The following SPEN variants were observed in gnomAD, a reference collection of about 807,000 sequenced individuals.
SPEN encodes spen family transcriptional repressor, also known as msx2-interacting protein.
Under a neutral mutation model 269.9 loss-of-function variants are expected in SPEN, and 18 were observed. That is an observed-to-expected ratio of 0.07 (90% CI 0.05 to 0.10). The LOEUF is 0.10. Among genes scored for constraint, SPEN ranks in the 10% least tolerant of loss-of-function variants. The probability of loss-of-function intolerance (pLI) is 1.00; values close to 1 mark genes in which losing one functional copy is unlikely to be tolerated. For synonymous variants in SPEN, 1,726 were observed against 1,765.7 expected (o/e 0.98, Z 0.56); for missense variants, 3,822 against 4,631.2 (o/e 0.83, Z 5.07).
At position 15,938,020 on chromosome 1, in the gene SPEN, G is replaced by A. The variant is rs2071294350; in HGVS notation, c.10704+14G>A. The A allele has an allele frequency of 6.3e-7, 1 of 1,583,012 alleles. No homozygotes were observed. Reference sequence around the variant, plus strand: ...CGAAGGATGACGGTAAGACTCTCAGGCCCAGGTGAGCAACTGCCCCACCTA... The same window carrying A: ...CGAAGGATGACGGTAAGACTCTCAGACCCAGGTGAGCAACTGCCCCACCTA... On this transcript the variant is annotated intron_variant, in intron 13 of 14. Coordinates refer to ENST00000375759, the MANE Select transcript of SPEN (RefSeq NM_015001.3).
chr1:15,914,568 A>G (rs2071039371), intron 5 of SPEN, among the ~76,000 whole-genome samples: 1 of 152,206 alleles, frequency 6.6e-6, no homozygotes, highest in Non-Finnish European at 1.5e-5. Flanking sequence ...CACACCTGTA[A>G]TCTCAGCACT....
intron 2 of SPEN, among the ~76,000 whole-genome samples, chr1:15,875,599 CT>C (rs1271113334): frequency 6.6e-6 from 1 of 151,956 alleles, no homozygotes; most frequent in Non-Finnish European, 1.5e-5. Context: ...TTGGGTACCG[CT>C]GTGCAGTCTA....
chr1:15,932,051 G>T lies in SPEN; in HGVS notation c.5811G>T (p.Glu1937Asp). Residue 1937 changes from glutamate to aspartate, a missense_variant, in exon 11 of 15, where the codon GAG (glutamate) becomes GAT (aspartate). By Grantham distance (45) the Glu-to-Asp change is conservative. Coordinates refer to ENST00000375759, the MANE Select transcript of SPEN (RefSeq NM_015001.3). The surrounding 1 kb of genome is among the most constrained non-coding windows in gnomAD (Gnocchi z 4.2). ...TGACCAGAAAGAGATTGGAGCGAGA[G>T]CTTCAGGAGGCTGCAGCGGTTCCCA... ...PRVTRKRLER[E>D]LQEAAAVPTT... is the part of the protein sequence containing the mutation. 1 of 1,614,198 alleles carries T rather than the reference G, an allele frequency of 6.2e-7. No individual in the cohort carries two copies.
In SPEN at chr1:15,847,716, C is replaced by G. The variant is rs959314993; in HGVS notation, c.-352C>G. 43 of 179,642 alleles carry G rather than the reference C, an allele frequency of 2.4e-4. No individual in the cohort carries two copies. The highest frequency in any genetic ancestry group is 3.4e-4 in the Non-Finnish European group (29 of 84,812). The allele number at this position is 179,642 out of a possible 1,614,324, so 11.1% of individuals were successfully genotyped here. A position where few individuals can be genotyped will look rare whatever the true frequency, so the allele number is the denominator to read the frequency against. ...TCGGGCCGCGCGCGCCAGTGGGAAG[C>G]GTCCGGCTGCCACAGCGCCAGCTCC... On this transcript the variant is annotated 5_prime_UTR_variant, in exon 1 of 15. Transcript: ENST00000375759.
chr1:15,884,884 A>G (rs898691448), intron 3 of SPEN, among the ~76,000 whole-genome samples: 2 of 151,850 alleles, frequency 1.3e-5, no homozygotes, highest in African/African-American at 2.4e-5. Flanking sequence ...AGGTTGTGCC[A>G]CCAGCTAATT....
chr1:15,907,430 C>T (rs2070970543), intron 3 of SPEN, among the ~76,000 whole-genome samples: 3 of 152,004 alleles, frequency 2.0e-5, no homozygotes, highest in East Asian at 1.9e-4. Context: ...GAGCCACGAT[C>T]GCACCACTGC....
intron 3 of SPEN, among the ~76,000 whole-genome samples, chr1:15,897,625 G>C (rs563110972): frequency 6.6e-6 from 1 of 151,682 alleles, no homozygotes; most frequent in African/African-American, 2.4e-5. Flanking sequence ...GCCTCTCAAA[G>C]TGCTGGGATT....
intron 1 of SPEN, among the ~76,000 whole-genome samples, chr1:15,866,302 A>G (rs1343260339): frequency 1.3e-5 from 2 of 152,056 alleles, no homozygotes; most frequent in Non-Finnish European, 2.9e-5. Flanking sequence ...GTTACTAAAT[A>G]TTTGTTACTG....
chr1:15,934,547 G>T lies in SPEN; in HGVS notation c.8307G>T (p.Pro2769=). Residue 2769 remains proline (P), a synonymous_variant, in exon 11 of 15, where the codon CCG becomes CCT. Transcript: ENST00000375759. This position sits in a 1 kb window ranked among gnomAD's most constrained non-coding sequence, Gnocchi z 9.2. The part of the protein sequence containing the change: ...TVTMAGAVIA[P]STKCKQRASA... Reference sequence around the variant, plus strand: ...CAATGGCAGGGGCAGTGATTGCGCCGTCAACAAAGTGCAAACAGAGAGCGA... The same window carrying T: ...CAATGGCAGGGGCAGTGATTGCGCCTTCAACAAAGTGCAAACAGAGAGCGA... The T allele has an allele frequency of 1.2e-6, 2 of 1,614,048 alleles. No individual in the cohort carries two copies. The highest frequency in any genetic ancestry group is 1.3e-5 in the African/African-American group (1 of 75,052).
At position 15,848,684 on chromosome 1, in the gene SPEN, G is replaced by A. The variant is rs2070302339; in HGVS notation, c.83+534G>A. On this transcript the variant is annotated intron_variant, in intron 1 of 14. Coordinates refer to ENST00000375759, the MANE Select transcript of SPEN (RefSeq NM_015001.3). The surrounding 1 kb of genome is among the most constrained non-coding windows in gnomAD (Gnocchi z 5.1). ...CAGTAGGTACTGTGGTCGCGTCGCG[G>A]ACCCGGAGAGACCATCTAGGACCTC... Among the ~76,000 whole-genome samples, 2 of 152,208 alleles carry A rather than the reference G, an allele frequency of 1.3e-5. No individual in the cohort carries two copies. The highest frequency in any genetic ancestry group is 1.3e-4 in the Admixed American group (2 of 15,284).
Position 15,909,411 on chromosome 1 carries a change from A to T in SPEN, c.972A>T (p.Ser324=), listed in dbSNP as rs2070991344. ...AVPAPTSQLL[S]SLEKDEPRKS... The stretch of plus-strand genomic sequence containing the variant: ...CTGCACCCACTTCCCAGTTGCTTTC[A>T]TCTCTGGAAAAAGATGAGCCCCGTA... Residue 324 remains serine, a synonymous_variant, in exon 4 of 15, where the codon TCA becomes TCT. Transcript: ENST00000375759. The T allele has an allele frequency of 6.2e-7, 1 of 1,614,158 alleles. No homozygotes were observed.
chr1:15,918,685 C>T (rs1161426767), intron 6 of SPEN, among the ~76,000 whole-genome samples: 1 of 152,170 alleles, frequency 6.6e-6, no homozygotes, highest in Admixed American at 6.5e-5. Context: ...AATTGCAATG[C>T]TGTTGCTCCT....
Position 15,887,934 on chromosome 1 carries a change from A to C in SPEN, c.881+11256A>C, listed in dbSNP as rs1312788184. Reference sequence around the variant, plus strand: ...TCCCAGCTGCTCGGGAGGCGGAGGCAGGAGAATCGCTTGAGCCCTGGAGGC... The same window carrying C: ...TCCCAGCTGCTCGGGAGGCGGAGGCCGGAGAATCGCTTGAGCCCTGGAGGC... On this transcript the variant is annotated intron_variant, in intron 3 of 14. Transcript: ENST00000375759. 4.0e-5 allele frequency among the ~76,000 whole-genome samples: 6 copies of C among 151,450 alleles called. No homozygotes were observed. In the East Asian group the frequency reaches 1.2e-3, roughly 30 times the overall value.
At chr1:15,884,777 G>C (rs368608085) in intron 3 of SPEN, among the ~76,000 whole-genome samples, 1 of 151,000 alleles carries the variant, frequency 6.6e-6, no homozygotes, top group African/African-American at 2.4e-5. Context: ...CTTCGTCACC[G>C]GGCTAGAGTG....
At chr1:15,876,164 C>G in intron 2 of SPEN, 38 bp from the exon 3 acceptor site, 2 of 1,533,730 alleles carry the variant, frequency 1.3e-6, no homozygotes, top group Non-Finnish European at 1.8e-6. Flanking sequence ...TTTGCTTGCT[C>G]CTTTCTGATT....
chr1:15,931,563 G>A lies in SPEN; in HGVS notation c.5323G>A (p.Glu1775Lys), dbSNP rs766847660. 28 of 1,614,040 alleles carry A rather than the reference G, an allele frequency of 1.7e-5. No individual in the cohort carries two copies. Among genetic ancestry groups the A allele is most frequent in the African/African-American group, 1.5e-4 (11 of 74,910 alleles). ...TGAGGAAGCCAATGAGCCAAAGGCC[G>A]AAAAGCCAGACGCCACTGCAGATGC... ...KSEEANEPKA[E>K]KPDATADAEP... is the part of the protein sequence containing the mutation. Residue 1775 changes from glutamate to lysine, a missense_variant, in exon 11 of 15, where the codon GAA becomes AAA. Coordinates refer to ENST00000375759, the MANE Select transcript of SPEN (RefSeq NM_015001.3). The surrounding 1 kb of genome is among the most constrained non-coding windows in gnomAD (Gnocchi z 4.8).
chr1:15,851,257 A>G (rs1330291817), intron 1 of SPEN, among the ~76,000 whole-genome samples: 1 of 152,238 alleles, frequency 6.6e-6, no homozygotes, highest in Admixed American at 6.5e-5. Flanking sequence ...AAACATAATC[A>G]GAACATTTAC....
chr1:15,937,595 T>G lies in SPEN; in HGVS notation c.10459T>G (p.Ser3487Ala). Residue 3487 changes from serine to alanine, a missense_variant, in exon 12 of 15, where the codon TCT (serine) becomes GCT (alanine). Coordinates refer to ENST00000375759, the MANE Select transcript of SPEN (RefSeq NM_015001.3). This position sits in a 1 kb window ranked among gnomAD's most constrained non-coding sequence, Gnocchi z 5.7. ...EFQPAPKQDSSPHLTSQRPVD... is the reference protein window; with the variant it reads ...EFQPAPKQDSAPHLTSQRPVD... ...CCAGCCAGCCCCCAAACAAGATTCCTCTCCACACCTGACTTCCCAGAGACC... is the reference window on the plus strand; with the variant it reads ...CCAGCCAGCCCCCAAACAAGATTCCGCTCCACACCTGACTTCCCAGAGACC... 2 of 1,614,048 alleles carry G rather than the reference T, an allele frequency of 1.2e-6. No individual in the cohort carries two copies. The highest frequency in any genetic ancestry group is 2.2e-5 in the East Asian group (1 of 44,880).
chr1:15,853,908 G>T (rs892652560), intron 1 of SPEN, among the ~76,000 whole-genome samples: 3 of 151,864 alleles, frequency 2.0e-5, no homozygotes, highest in Non-Finnish European at 4.4e-5. Flanking sequence ...CTCGTGATTT[G>T]TGCGCCTCGG....
Sources: allele counts gnomAD v4.1 joint callset (sites outside exome capture counted in the v4.1 genomes callset), GRCh38; gene constraint gnomAD v4.1.1; non-coding constraint Gnocchi (gnomAD v3.1); transcripts MANE v1.5; gene names NCBI Gene and HGNC (gene_info 2026-07-23, HGNC 2026-07-21).